PDE1A: variants seen among roughly 807,000 people sequenced by gnomAD.
PDE1A encodes phosphodiesterase 1A.
In PDE1A, 35 loss-of-function variants were observed where a neutral mutation model predicts 61.7. That is an observed-to-expected ratio of 0.57 (90% CI 0.43 to 0.75). The LOEUF is 0.75. Among genes scored for constraint, PDE1A ranks in the 30% least tolerant of loss-of-function variants. The pLI is 0.00. For missense variants in PDE1A, 597 were observed against 630.6 expected, an observed-to-expected ratio of 0.95 and a Z score of 0.57; for synonymous variants, 232 against 213.2, an observed-to-expected ratio of 1.09 and a Z score of -0.77.
At chr2:182,184,998 A>G (rs1451146693) in intron 13 of PDE1A, among the ~76,000 whole-genome samples, 1 of 152,190 alleles carries the variant, frequency 6.6e-6, no homozygotes, top group African/African-American at 2.4e-5. Flanking sequence ...CATTTGGGAT[A>G]ATTGAAAACG....
chr2:182,630,554 TTA>T, the PDE1A span, among the ~76,000 whole-genome samples: 1 of 151,438 alleles, frequency 6.6e-6, no homozygotes, highest in Non-Finnish European at 1.5e-5. Flanking sequence ...ATCCTCTTTT[TTA>T]AAAAAAAAAA....
At chr2:182,272,142 G>T (rs1292351737) in intron 1 of PDE1A, among the ~76,000 whole-genome samples, 1 of 152,126 alleles carries the variant, frequency 6.6e-6, no homozygotes, top group East Asian at 1.9e-4. Flanking sequence ...CAGCTAATTG[G>T]GGTTCTACAC....
At chr2:182,281,171 A>G (rs1036530903) in intron 1 of PDE1A, among the ~76,000 whole-genome samples, 6 of 151,846 alleles carry the variant, frequency 4.0e-5, no homozygotes, top group Non-Finnish European at 5.9e-5. Flanking sequence ...TGCATGAGTC[A>G]TTTTCATTTT....
At chr2:182,649,602 C>A in the PDE1A span, among the ~76,000 whole-genome samples, 3 of 113,630 alleles carry the variant, frequency 2.6e-5, no homozygotes, top group Admixed American at 1.8e-4. Flanking sequence ...AGACCCCACT[C>A]TATACAAAAA....
intron 2 of PDE1A, among the ~76,000 whole-genome samples, chr2:182,477,782 C>A (rs557539362): frequency 6.6e-6 from 1 of 151,898 alleles, no homozygotes; most frequent in Non-Finnish European, 1.5e-5. Context: ...AAACGACACA[C>A]GAACTCACTC....
intron 1 of PDE1A, among the ~76,000 whole-genome samples, chr2:182,350,842 C>T (rs1378412482): frequency 6.6e-6 from 1 of 152,168 alleles, no homozygotes; most frequent in Non-Finnish European, 1.5e-5. Flanking sequence ...ACCCTAGCTA[C>T]TACCAATATC....
intron 13 of PDE1A, among the ~76,000 whole-genome samples, chr2:182,170,651 C>A (rs1023235831): frequency 4.6e-5 from 7 of 151,906 alleles, no homozygotes; most frequent in Admixed American, 3.9e-4. Flanking sequence ...TACTTCGCTG[C>A]CTTAGACCTA....
At chr2:182,696,473 G>A in the PDE1A span, among the ~76,000 whole-genome samples, 1 of 152,218 alleles carries the variant, frequency 6.6e-6, no homozygotes, top group Admixed American at 6.5e-5. Flanking sequence ...GGAGAGATTA[G>A]TAGGGAGGAA....
chr2:182,276,853 G>A (rs986737849), intron 1 of PDE1A, among the ~76,000 whole-genome samples: 4 of 151,994 alleles, frequency 2.6e-5, no homozygotes, highest in Admixed American at 2.6e-4. Flanking sequence ...TGCTCTAGGA[G>A]TGTCTGTCTT....
At chr2:182,605,462 A>G in the PDE1A span, among the ~76,000 whole-genome samples, 1 of 152,214 alleles carries the variant, frequency 6.6e-6, no homozygotes, top group Admixed American at 6.5e-5. Flanking sequence ...AAATTCCTTC[A>G]TAACTGTGGA....
At chr2:182,519,475 A>C (rs555839594) in intron 2 of PDE1A, among the ~76,000 whole-genome samples, 1 of 152,110 alleles carries the variant, frequency 6.6e-6, no homozygotes, top group African/African-American at 2.4e-5. Flanking sequence ...AATGCAGAGA[A>C]GTCTACATCA....
chr2:182,318,698 C>T (rs537715937), intron 1 of PDE1A, among the ~76,000 whole-genome samples: 1 of 152,136 alleles, frequency 6.6e-6, no homozygotes, highest in African/African-American at 2.4e-5. Flanking sequence ...GCCTTGGAGA[C>T]TCTAGGAGGA....
chr2:182,259,010 G>T (rs1362573468), intron 2 of PDE1A, among the ~76,000 whole-genome samples: 1 of 152,140 alleles, frequency 6.6e-6, no homozygotes, highest in Non-Finnish European at 1.5e-5. Flanking sequence ...AGTGTGTCTG[G>T]TATTCATTTC....
intron 2 of PDE1A, among the ~76,000 whole-genome samples, chr2:182,465,263 T>G (rs913258520): frequency 6.6e-6 from 1 of 152,170 alleles, no homozygotes; most frequent in African/African-American, 2.4e-5. Context: ...TAACTAGCTT[T>G]GCTTTCATCC....
At chr2:182,385,107 G>C (rs1282713591) in intron 1 of PDE1A, among the ~76,000 whole-genome samples, 2 of 152,030 alleles carry the variant, frequency 1.3e-5, no homozygotes, top group Non-Finnish European at 2.9e-5. Flanking sequence ...AACTTTCCCA[G>C]AAAAACAAAA....
chr2:182,366,733 G>T (rs1046376378), intron 1 of PDE1A, among the ~76,000 whole-genome samples: 1 of 151,922 alleles, frequency 6.6e-6, no homozygotes, highest in Non-Finnish European at 1.5e-5. Flanking sequence ...CAGACTACAT[G>T]GGTTACTATG....
the PDE1A span, among the ~76,000 whole-genome samples, chr2:182,704,224 AAC>A: frequency 6.7e-6 from 1 of 150,282 alleles, no homozygotes; most frequent in African/African-American, 2.4e-5. Flanking sequence ...AAAAAAAAAA[AAC>A]AAAAAAAAAA....
chr2:182,240,686 G>A (rs1391216399), intron 2 of PDE1A, among the ~76,000 whole-genome samples: 1 of 152,144 alleles, frequency 6.6e-6, no homozygotes, highest in East Asian at 1.9e-4. Context: ...AGAAAAAAGG[G>A]GGATTGAATC....
chr2:182,338,442 A>G (rs1306025857), intron 1 of PDE1A, among the ~76,000 whole-genome samples: 1 of 152,220 alleles, frequency 6.6e-6, no homozygotes, highest in African/African-American at 2.4e-5. Context: ...ATAAGTACCT[A>G]TGTAATCAAA....
Sources: allele counts gnomAD v4.1 joint callset (sites outside exome capture counted in the v4.1 genomes callset), GRCh38; gene constraint gnomAD v4.1.1; transcripts MANE v1.5; gene names NCBI Gene and HGNC (gene_info 2026-07-23, HGNC 2026-07-21).